USP22: variants seen among roughly 807,000 people sequenced by gnomAD.
USP22 encodes ubiquitin carboxyl-terminal hydrolase 22.
In USP22, 22 loss-of-function variants were observed where a neutral mutation model predicts 68.1. The observed-to-expected ratio is 0.32, with a 90% CI of 0.23 to 0.46. The LOEUF is 0.46. USP22 is among the 20% of genes least tolerant of loss of function. The pLI, the probability that USP22 is intolerant of heterozygous loss-of-function variation, is 1.00. For synonymous variants in USP22, 279 were observed against 274.2 expected, an observed-to-expected ratio of 1.02 and a Z score of -0.17; for missense variants, 433 against 695.8, an observed-to-expected ratio of 0.62 and a Z score of 4.25.
intron 5 of USP22, among the ~76,000 whole-genome samples, chr17:21,017,486 G>T (rs189334781): frequency 6.6e-6 from 1 of 152,224 alleles, no homozygotes; most frequent in Admixed American, 6.5e-5. Flanking sequence ...CAGCCCACAG[G>T]AACAGCCAAC....
rs1000264946 is a variant in USP22, at chr17:21,010,474, C to T, written c.1103+677G>A. On this transcript the variant is annotated intron_variant, in intron 8 of 12. Transcript: ENST00000261497. ...GGTGAATCACCTGATATCACGAGTT[C>T]GAGACTAGCCTGGCCAACATGGTAA... Among the ~76,000 whole-genome samples, 24 of 151,810 alleles carry T rather than the reference C, an allele frequency of 1.6e-4. 1 individual carries two copies. Among genetic ancestry groups the T allele is most frequent in the African/African-American group, 5.1e-4 (21 of 41,400 alleles).
chr17:21,024,539 G>A (rs998851514), intron 2 of USP22, among the ~76,000 whole-genome samples: 26 of 152,124 alleles, frequency 1.7e-4, no homozygotes, highest in African/African-American at 4.1e-4. Context: ...AAATTAACTC[G>A]AATGGATCAG....
At chr17:21,040,159 A>T (rs968415316) in intron 1 of USP22, among the ~76,000 whole-genome samples, 2 of 152,258 alleles carry the variant, frequency 1.3e-5, no homozygotes, top group Non-Finnish European at 2.9e-5. Context: ...TGGGTAACAG[A>T]GCAAGACTCT....
intron 10 of USP22, 122 bp from the exon 11 acceptor site, chr17:21,005,112 T>C (rs2143512476): frequency 9.0e-7 from 1 of 1,107,162 alleles, no homozygotes; most frequent in Non-Finnish European, 1.3e-6. Context: ...AGGTGCACTT[T>C]ATGCTTCAGG....
At chr17:21,008,616 G>A (rs995002241) in intron 8 of USP22, among the ~76,000 whole-genome samples, 1 of 152,200 alleles carries the variant, frequency 6.6e-6, no homozygotes, top group Non-Finnish European at 1.5e-5. Context: ...AGTGGGTGGT[G>A]AGGGAGGAGG....
rs376604245 is a variant in USP22 at position 21,025,502 on chromosome 17, T to C, written c.304+3040A>G. On this transcript the variant is annotated intron_variant, in intron 2 of 12. Coordinates refer to ENST00000261497, the MANE Select transcript of USP22 (RefSeq NM_015276.2). ...GACCCTGCCAGCTCACTTCTAGGTA[T>C]ACATCCAAGAGAAATGAAAACATGT... Among the ~76,000 whole-genome samples the C allele has an allele frequency of 5.3e-5, 8 of 152,182 alleles. No individual in the cohort carries two copies. In the East Asian group the frequency reaches 9.6e-4, roughly 18 times the overall value.
At chr17:21,014,073 AAAAACAAAAC>A (rs572706327) in intron 6 of USP22, among the ~76,000 whole-genome samples, 16 of 152,356 alleles carry the variant, frequency 1.1e-4, no homozygotes, top group Middle Eastern at 3.4e-3. Context: ...ACTCTGACTC[AAAAACAAAAC>A]AAAACAAAAC....
At chr17:21,020,540 G>C (rs931905756) in intron 3 of USP22, among the ~76,000 whole-genome samples, 2 of 152,128 alleles carry the variant, frequency 1.3e-5, no homozygotes, top group Non-Finnish European at 1.5e-5. Flanking sequence ...TCTGGTGGGT[G>C]CACGCTGTTG....
chr17:21,042,501 G>A, intron 1 of USP22, among the ~76,000 whole-genome samples, 164 bp downstream of exon 1: 1 of 148,080 alleles, frequency 6.8e-6, no homozygotes, highest in Non-Finnish European at 1.5e-5. Flanking sequence ...AGGAAAGGAG[G>A]GGGAAGGGGT....
intron 1 of USP22, among the ~76,000 whole-genome samples, chr17:21,032,172 T>C (rs972518915): frequency 2.0e-5 from 3 of 152,234 alleles, no homozygotes; most frequent in Admixed American, 6.5e-5. Flanking sequence ...TGTACAGGTT[T>C]GCTGCCTAGG....
At chr17:21,005,281 G>A (rs999974293) in intron 10 of USP22, 3 of 388,526 alleles carry the variant, frequency 7.7e-6, no homozygotes, top group Non-Finnish European at 9.3e-6. Flanking sequence ...CTGGAGGAAT[G>A]TGAGTTTGGT....
chr17:21,025,992 G>A (rs893596395), intron 2 of USP22, among the ~76,000 whole-genome samples: 33 of 152,250 alleles, frequency 2.2e-4, no homozygotes, highest in Admixed American at 2.2e-3. Context: ...AGGCGCGGTG[G>A]CTCATGCCTG....
intron 1 of USP22, among the ~76,000 whole-genome samples, chr17:21,041,230 C>A (rs1331273691): frequency 6.6e-6 from 1 of 152,112 alleles, no homozygotes; most frequent in Non-Finnish European, 1.5e-5. Flanking sequence ...AAGACTCTAA[C>A]TCCGATCCTG....
In USP22 at chr17:21,042,692, G is replaced by T. The variant is rs865849460; in HGVS notation, c.144C>A (p.Ser48Arg). Residue 48 changes from serine to arginine, a missense_variant, in exon 1 of 13, where the codon AGC (serine) becomes AGA (arginine). By Grantham distance (110) the Ser-to-Arg change is moderately radical. Coordinates refer to ENST00000261497, the MANE Select transcript of USP22 (RefSeq NM_015276.2). ...TGCGCTTGCGGGCCTCAGCCGTGCC[G>T]CTCCACACGAAGCACTGGTAGATGG... is the stretch of plus-strand genomic sequence containing the variant. ...LRAIYQCFVW[S>R]GTAEARKRKA... 1 of 1,381,970 alleles carries T rather than the reference G, an allele frequency of 7.2e-7. No individual in the cohort carries two copies. Among genetic ancestry groups the T allele is most frequent in the Non-Finnish European group, 9.5e-7 (1 of 1,056,320 alleles). The allele number at this position is 1,381,970 out of a possible 1,614,324, so 85.6% of individuals were successfully genotyped here.
chr17:21,020,916 C>G (rs1972148895), intron 3 of USP22, among the ~76,000 whole-genome samples, 197 bp downstream of exon 3: 1 of 152,198 alleles, frequency 6.6e-6, no homozygotes, highest in Non-Finnish European at 1.5e-5. Context: ...GCTATGCATG[C>G]CTCGACACTA....
intron 7 of USP22, 27 bp from the exon 8 acceptor site, chr17:21,011,336 G>T (rs1055372456): frequency 6.4e-7 from 1 of 1,551,410 alleles, no homozygotes; most frequent in Admixed American, 2.0e-5. Context: ...AACAATGGCT[G>T]TGAGGACTGA....
chr17:21,040,071 T>G (rs1173459409), intron 1 of USP22, among the ~76,000 whole-genome samples: 4 of 152,144 alleles, frequency 2.6e-5, no homozygotes, highest in Admixed American at 6.5e-5. Flanking sequence ...ACGCCCGTAG[T>G]CCCAGCTACT....
chr17:21,003,212 A>G, intron 12 of USP22, 139 bp from the exon 13 acceptor site: 1 of 986,640 alleles, frequency 1.0e-6, no homozygotes, highest in Non-Finnish European at 1.6e-6. Context: ...TTGGCTTTTT[A>G]GTCCGCAAGG....
intron 8 of USP22, among the ~76,000 whole-genome samples, chr17:21,009,698 T>G (rs1913889797): frequency 6.6e-6 from 1 of 152,126 alleles, no homozygotes. Flanking sequence ...CTCACACCTG[T>G]AATCCCAGCA....
Sources: allele counts gnomAD v4.1 joint callset (sites outside exome capture counted in the v4.1 genomes callset), GRCh38; gene constraint gnomAD v4.1.1; transcripts MANE v1.5; gene names NCBI Gene and HGNC (gene_info 2026-07-23, HGNC 2026-07-21).